The following NBPF9 variants were observed in gnomAD, a reference collection of about 807,000 sequenced individuals.
NBPF9 encodes NBPF family member NBPF9.
In NBPF9, 91 loss-of-function variants were observed where a neutral mutation model predicts 97.8. The ratio of observed to expected loss-of-function variants is 0.93; its 90% CI spans 0.79 to 1.11. The LOEUF (loss-of-function observed/expected upper bound fraction) is 1.11. Ranked by LOEUF, NBPF9 falls within the 50% of genes least tolerant of loss-of-function variation. NBPF9 has a pLI of 0.00. For missense variants in NBPF9, 992 were observed against 939.5 expected (o/e 1.06, Z -0.73); for synonymous variants, 334 against 359.5 (o/e 0.93, Z 0.80).
chr1:149,055,450 G>A (rs1365744458), exon 30 of NBPF9: 13 of 837,348 alleles, frequency 1.6e-5, no homozygotes, highest in Non-Finnish European at 2.2e-5. Flanking sequence ...GCACAGTTAT[G>A]TGAACGTGTC....
intron 7 of NBPF9, 104 bp from the exon 8 acceptor site, chr1:149,080,259 C>T: frequency 3.0e-6 from 2 of 674,806 alleles, no homozygotes; most frequent in Non-Finnish European, 5.3e-6. Flanking sequence ...CAAAACTCTC[C>T]CCAGTACCAG....
At chr1:149,071,501 G>A (rs587648932) in intron 15 of NBPF9, 103 bp downstream of exon 15, 38 of 1,171,534 alleles carry the variant, frequency 3.2e-5, no homozygotes, top group African/African-American at 1.5e-4. Flanking sequence ...GTGGCCAAGC[G>A]AATGCGGGTT....
chr1:149,087,324 T>C (rs1368182269), intron 5 of NBPF9, among the ~76,000 whole-genome samples: 6 of 148,324 alleles, frequency 4.0e-5, no homozygotes, highest in Non-Finnish European at 7.4e-5. Context: ...GGTGAATATA[T>C]ATATATATAC....
At chr1:149,099,854 T>C (rs1482251548) in intron 3 of NBPF9, among the ~76,000 whole-genome samples, 1 of 151,092 alleles carries the variant, frequency 6.6e-6, no homozygotes. Context: ...TAGTGGTGCA[T>C]GCCTGTAGAC....
At chr1:149,056,093 G>T (rs1156812799) in intron 29 of NBPF9, among the ~76,000 whole-genome samples, 194 bp from the exon 30 acceptor site, 6 of 150,598 alleles carry the variant, frequency 4.0e-5, no homozygotes, top group African/African-American at 1.5e-4. Context: ...GAAAGAGAAA[G>T]ACAGAGAGAG....
rs1202230069 is a variant in NBPF9 at position 149,103,402 on chromosome 1, G to A, written c.-944C>T. On this transcript the variant is annotated 5_prime_UTR_variant, in exon 1 of 30. The change creates a new upstream start codon in the 5' untranslated region. Transcript: ENST00000584027. ...CCGCTCCTGGCGCCACAGGTCGCCC[G>A]TCCCGCGTTCCCAAAAGCACCGCGT... 2 of 152,236 alleles carry A rather than the reference G, an allele frequency of 1.3e-5. No homozygotes were observed. Among genetic ancestry groups the A allele is most frequent in the African/African-American group, 4.8e-5 (2 of 41,352 alleles). 9.4% of individuals were successfully genotyped at this position (152,236 alleles called of 1,614,324 possible). A position where few individuals can be genotyped will look rare whatever the true frequency, so the allele number is the denominator to read the frequency against.
chr1:149,099,118 T>G (rs1251100618), intron 3 of NBPF9, among the ~76,000 whole-genome samples: 1 of 152,040 alleles, frequency 6.6e-6, no homozygotes, highest in Non-Finnish European at 1.5e-5. Flanking sequence ...CACCAAGTAA[T>G]ACTTGAGGCA....
At chr1:149,056,105 A>AG (rs1553648914) in intron 29 of NBPF9, among the ~76,000 whole-genome samples, 7 of 110,982 alleles carry the variant, frequency 6.3e-5, no homozygotes, top group Non-Finnish European at 6.2e-5. Context: ...CAGAGAGAGA[A>AG]AGACAGAGAC....
chr1:149,061,093 C>G (rs1447447568), intron 23 of NBPF9: 1 of 415,222 alleles, frequency 2.4e-6, no homozygotes, highest in South Asian at 2.6e-5. Flanking sequence ...TCCATGCAGT[C>G]GCCATGAGAA....
chr1:149,081,558 T>C lies in NBPF9; in HGVS notation c.175+407A>G, dbSNP rs1475868585. ...AGTCACTAGAACAGAGCTTTGCCTCTTGGGCCTCAACGGAAATTTGAACTG... is the reference window on the plus strand; with the variant it reads ...AGTCACTAGAACAGAGCTTTGCCTCCTGGGCCTCAACGGAAATTTGAACTG... On this transcript the variant is annotated intron_variant, in intron 7 of 29. Transcript: ENST00000584027. Among the ~76,000 whole-genome samples the C allele has an allele frequency of 2.0e-5, 3 of 152,220 alleles. No individual in the cohort carries two copies. The East Asian group carries it at 5.8e-4, about 29-fold the overall frequency.
chr1:149,080,583 C>G (rs1333452690), intron 7 of NBPF9, among the ~76,000 whole-genome samples: 1 of 150,964 alleles, frequency 6.6e-6, no homozygotes, highest in African/African-American at 2.5e-5. Flanking sequence ...CTGGGTATTT[C>G]AAGGACAAAT....
rs587765588 is a variant in NBPF9 at position 149,072,925 on chromosome 1, T to C, written c.1099A>G (p.Lys367Glu). ...CGTTCCTGAGCGTGAACCAGGACTTTATATTGCCTAAGGTGAGATGGTAGA... is the reference window on the plus strand; with the variant it reads ...CGTTCCTGAGCGTGAACCAGGACTTCATATTGCCTAAGGTGAGATGGTAGA... The change falls in exon 14 of 30, where the codon AAA (lysine) becomes GAA (glutamate). Residue 367 changes from lysine (K) to glutamate (E), a missense_variant. Lys to Glu is a moderately conservative substitution (Grantham distance 56). Around this residue, in one of 11 missense-constraint regions of NBPF9, gnomAD observed 187 missense variants for 149.6 expected, o/e 1.25. Transcript: ENST00000584027. The C allele has an allele frequency of 1.6e-5, 25 of 1,606,898 alleles. 1 individual carries two copies. Among genetic ancestry groups the C allele is most frequent in the Middle Eastern group, 2.3e-4 (1 of 4,410 alleles).
exon 30 of NBPF9, chr1:149,055,600 A>C (rs2078153806): frequency 6.3e-7 from 1 of 1,594,970 alleles, no homozygotes; most frequent in Non-Finnish European, 8.5e-7. Flanking sequence ...TCAAAACTTC[A>C]CGTGCCTATA....
At position 149,062,785 on chromosome 1, in the gene NBPF9, C is replaced by T; in HGVS notation, c.2078+77G>A. On this transcript the variant is annotated intron_variant, in intron 21 of 29. Coordinates refer to ENST00000584027, the Ensembl canonical transcript of NBPF9. ...CCTCCGTTGAAAACATGAAATTGAA[C>T]ACACTCTTGTTTTCCCTGGACCTGG... The T allele has an allele frequency of 7.8e-6, 6 of 770,238 alleles. No homozygotes were observed. The South Asian group carries it at 8.1e-5, about 10-fold the overall frequency. The allele number at this position is 770,238 out of a possible 1,614,324, so 47.7% of individuals were successfully genotyped here. A position where few individuals can be genotyped will look rare whatever the true frequency, so the allele number is the denominator to read the frequency against.
chr1:149,085,822 C>A (rs1224945499), intron 5 of NBPF9, among the ~76,000 whole-genome samples: 1 of 151,818 alleles, frequency 6.6e-6, no homozygotes, highest in African/African-American at 2.4e-5. Context: ...ATTCAATGCA[C>A]GTTTACAAAT....
At chr1:149,085,335 A>ACAC (rs1293493400) in intron 5 of NBPF9, among the ~76,000 whole-genome samples, 6 of 152,178 alleles carry the variant, frequency 3.9e-5, no homozygotes, top group Admixed American at 3.9e-4. Context: ...ATGAATACTT[A>ACAC]CACCATTACT....
intron 5 of NBPF9, among the ~76,000 whole-genome samples, chr1:149,085,788 G>C (rs1227821222): frequency 1.3e-5 from 2 of 151,556 alleles, no homozygotes; most frequent in African/African-American, 4.9e-5. Flanking sequence ...CGGTACAACA[G>C]ACTGCACCAC....
chr1:149,065,251 G>C, intron 18 of NBPF9: 2 of 703,914 alleles, frequency 2.8e-6, no homozygotes, highest in Admixed American at 2.0e-5. Context: ...AGTTTGGTGT[G>C]AGTTTGCCAC....
chr1:149,080,659 T>G (rs1382481258), intron 7 of NBPF9, among the ~76,000 whole-genome samples: 8 of 150,010 alleles, frequency 5.3e-5, no homozygotes, highest in Non-Finnish European at 4.4e-5. Flanking sequence ...AAGAATCATA[T>G]CTGAAGCATA....
Sources: gnomAD v4.1 joint callset for allele counts (sites outside exome capture counted in the v4.1 genomes callset) on GRCh38, gnomAD v4.1.1 for gene constraint, gnomAD v4.1.1 regional missense constraint, MANE v1.5 for transcripts, NCBI Gene and HGNC (gene_info 2026-07-23, HGNC 2026-07-21) for gene names.